ORC4: variants seen among roughly 807,000 people sequenced by gnomAD.
The protein encoded by ORC4 is origin recognition complex subunit 4, also known as origin recognition complex, subunit 4 homolog.
A neutral mutation model predicts 63.9 loss-of-function variants in ORC4; 55 were observed. The observed-to-expected ratio is 0.86, with a 90% CI of 0.69 to 1.08. The LOEUF (loss-of-function observed/expected upper bound fraction) is 1.08. Ranked by LOEUF, ORC4 falls within the 50% of genes least tolerant of loss-of-function variation. ORC4 has a pLI of 0.00. For missense variants in ORC4, 511 were observed against 504.4 expected, an observed-to-expected ratio of 1.01 and a Z score of -0.13; for synonymous variants, 150 against 168.5, an observed-to-expected ratio of 0.89 and a Z score of 0.85.
chr2:148,011,452 T>TG (rs901581323), intron 1 of ORC4, among the ~76,000 whole-genome samples: 4 of 152,090 alleles, frequency 2.6e-5, no homozygotes, highest in African/African-American at 9.7e-5. Flanking sequence ...CTCAGCAAAC[T>TG]GGGGACAGAA....
chr2:147,968,011 G>A (rs1689998533), intron 4 of ORC4, among the ~76,000 whole-genome samples: 1 of 151,962 alleles, frequency 6.6e-6, no homozygotes, highest in Non-Finnish European at 1.5e-5. Flanking sequence ...ACAGCCAACT[G>A]ATTTTTACAA....
chr2:148,004,278 A>C (rs561337346), intron 1 of ORC4, among the ~76,000 whole-genome samples: 1 of 152,318 alleles, frequency 6.6e-6, no homozygotes, highest in Admixed American at 6.5e-5. Context: ...TTTCATATGG[A>C]ACCAAAAAAG....
intron 1 of ORC4, among the ~76,000 whole-genome samples, chr2:148,019,816 T>C (rs1314735530): frequency 6.6e-6 from 1 of 152,128 alleles, no homozygotes; most frequent in African/African-American, 2.4e-5. Flanking sequence ...TGTAAATTTA[T>C]AAATCCTTTC....
At chr2:147,967,297 C>T (rs1178215434) in intron 4 of ORC4, among the ~76,000 whole-genome samples, 1 of 151,954 alleles carries the variant, frequency 6.6e-6, no homozygotes, top group African/African-American at 2.4e-5. Flanking sequence ...TCACTCTCCC[C>T]ATTCTTATTC....
intron 7 of ORC4, among the ~76,000 whole-genome samples, chr2:147,955,052 T>C (rs1442224160): frequency 6.6e-6 from 1 of 151,954 alleles, no homozygotes; most frequent in Non-Finnish European, 1.5e-5. Flanking sequence ...CAGATCAAAA[T>C]CTTATTACAA....
At chr2:147,968,519 C>T (rs1466171419) in intron 4 of ORC4, among the ~76,000 whole-genome samples, 2 of 151,866 alleles carry the variant, frequency 1.3e-5, no homozygotes, top group South Asian at 2.1e-4. Context: ...ATATAGCCAA[C>T]GAATACATGA....
intron 8 of ORC4, among the ~76,000 whole-genome samples, chr2:147,951,190 G>C (rs1050843466): frequency 1.3e-5 from 2 of 152,026 alleles, no homozygotes; most frequent in African/African-American, 4.8e-5. Context: ...TCACTTTTCT[G>C]AAAAAGAAAA....
intron 8 of ORC4, among the ~76,000 whole-genome samples, chr2:147,949,029 A>T: frequency 6.8e-6 from 1 of 147,996 alleles, no homozygotes; most frequent in East Asian, 1.9e-4. Context: ...TTTATATTAT[A>T]TATGTATATA....
Position 147,935,555 on chromosome 2 carries a change from A to C in ORC4, c.1266T>G (p.Pro422=), listed in dbSNP as rs1688002389. 3.1e-6 allele frequency: 5 copies of C among 1,613,832 alleles called. No individual in the cohort carries two copies. Among genetic ancestry groups the C allele is most frequent in the Non-Finnish European group, 4.2e-6 (5 of 1,179,782 alleles). Residue 422 remains proline (P), a synonymous_variant, in exon 14 of 14, where the codon CCT becomes CCG. Coordinates refer to ENST00000392857, the MANE Select transcript of ORC4 (RefSeq NM_181741.4). ...MNALQKYPNC[P]TDVRQWATSS... ...ATGTTGCCCACTGCCTCACATCTGT[A>C]GGACAGTTGGGATATTTCTGCAGAG...
chr2:147,973,388 C>A (rs145215830), intron 3 of ORC4, 60 bp downstream of exon 3: 45 of 1,006,636 alleles, frequency 4.5e-5, no homozygotes, highest in Middle Eastern at 2.0e-4. Flanking sequence ...ATAATTTTTG[C>A]AAAACCTGGA....
At chr2:147,997,790 A>C (rs905901227) in intron 1 of ORC4, among the ~76,000 whole-genome samples, 2 of 152,204 alleles carry the variant, frequency 1.3e-5, no homozygotes, top group Non-Finnish European at 2.9e-5. Context: ...GTAACTTTAA[A>C]AATTTTCTTG....
At chr2:147,977,995 C>T (rs763794432) in intron 1 of ORC4, among the ~76,000 whole-genome samples, 2 of 152,134 alleles carry the variant, frequency 1.3e-5, no homozygotes, top group South Asian at 2.1e-4. Flanking sequence ...CTTAAGTTAG[C>T]GGGCCTGCTG....
Position 147,931,007 on chromosome 2 carries a change from T to TCCCCCCCCCCCCC in ORC4, c.*4502_*4503insGGGGGGGGGGGGG, listed in dbSNP as rs962620889. 1 of 126,106 alleles carries TCCCCCCCCCCCCC rather than the reference T, an allele frequency of 7.9e-6. No individual in the cohort carries two copies. The highest frequency in any genetic ancestry group is 2.9e-5 in the African/African-American group (1 of 34,010). 7.8% of individuals were successfully genotyped at this position (126,106 alleles called of 1,614,324 possible). A position where few individuals can be genotyped will look rare whatever the true frequency, so the allele number is the denominator to read the frequency against. Reference sequence around the variant, plus strand: ...ATCTCCTAATGCTATCCCTCCCCCATCCCCCCACCCCACAACAGTCCCCAG... The same window carrying TCCCCCCCCCCCCC: ...ATCTCCTAATGCTATCCCTCCCCCATCCCCCCCCCCCCCCCCCCCACCCCACAACAGTCCCCAG... On this transcript the variant is annotated 3_prime_UTR_variant, in exon 14 of 14. Coordinates refer to ENST00000392857, the MANE Select transcript of ORC4 (RefSeq NM_181741.4).
chr2:147,961,014 C>G (rs1185544780), intron 4 of ORC4, among the ~76,000 whole-genome samples: 1 of 151,996 alleles, frequency 6.6e-6, no homozygotes, highest in East Asian at 1.9e-4. Context: ...ATAGAGTTAG[C>G]ATTTTTGTAT....
At chr2:147,952,257 G>A in intron 8 of ORC4, 116 bp downstream of exon 8, 7 of 749,436 alleles carry the variant, frequency 9.3e-6, no homozygotes, top group South Asian at 5.6e-5. Context: ...ACCAGGCACT[G>A]CTGAAACAAA....
chr2:147,993,758 C>G (rs935703081), intron 1 of ORC4, among the ~76,000 whole-genome samples: 2 of 152,118 alleles, frequency 1.3e-5, no homozygotes, highest in Non-Finnish European at 2.9e-5. Flanking sequence ...TGGCTTAGAA[C>G]TTTGGTACCC....
At chr2:148,000,772 C>A (rs932839049) in intron 1 of ORC4, among the ~76,000 whole-genome samples, 1 of 152,000 alleles carries the variant, frequency 6.6e-6, no homozygotes, top group Non-Finnish European at 1.5e-5. Context: ...GTTTTGACAA[C>A]CAGCAGATAG....
At chr2:147,965,906 T>C (rs1689865926) in intron 4 of ORC4, among the ~76,000 whole-genome samples, 1 of 151,968 alleles carries the variant, frequency 6.6e-6, no homozygotes, top group African/African-American at 2.4e-5. Context: ...AAACTAGATA[T>C]CGATAATAAA....
chr2:147,960,003 TA>T (rs1384913723), intron 4 of ORC4, among the ~76,000 whole-genome samples: 5 of 152,320 alleles, frequency 3.3e-5, no homozygotes, highest in East Asian at 1.9e-4. Context: ...TTTTATTTTT[TA>T]TTTTTTTTGC....
Sources: gnomAD v4.1 joint callset for allele counts (sites outside exome capture counted in the v4.1 genomes callset) on GRCh38, gnomAD v4.1.1 for gene constraint, MANE v1.5 for transcripts, NCBI Gene and HGNC (gene_info 2026-07-23, HGNC 2026-07-21) for gene names.